The following SPATS2 variants were observed in gnomAD, a reference collection of about 807,000 sequenced individuals.
SPATS2 encodes spermatogenesis-associated serine-rich protein 2.
A neutral mutation model predicts 63.7 loss-of-function variants in SPATS2; 38 were observed. The observed-to-expected ratio is 0.60, with a 90% CI of 0.46 to 0.78. SPATS2 has a LOEUF of 0.78. Among genes scored for constraint, SPATS2 ranks in the 30% least tolerant of loss-of-function variants. SPATS2 has a pLI of 0.00. For missense variants in SPATS2, 588 were observed against 666.2 expected, an observed-to-expected ratio of 0.88 and a Z score of 1.29; for synonymous variants, 207 against 232.9, an observed-to-expected ratio of 0.89 and a Z score of 1.01.
chr12:49,471,844 T>C (rs1224259048), intron 3 of SPATS2, among the ~76,000 whole-genome samples: 1 of 152,136 alleles, frequency 6.6e-6, no homozygotes, highest in Non-Finnish European at 1.5e-5. Flanking sequence ...CTACTCTAGG[T>C]AACACATATT....
intron 2 of SPATS2, among the ~76,000 whole-genome samples, chr12:49,396,074 G>C (rs1944505750): frequency 6.6e-6 from 1 of 152,172 alleles, no homozygotes; most frequent in Admixed American, 6.5e-5. Context: ...ACATGTGGCA[G>C]GATTTCCTTT....
intron 2 of SPATS2, among the ~76,000 whole-genome samples, chr12:49,427,295 A>G (rs551556857): frequency 6.6e-6 from 1 of 152,310 alleles, no homozygotes; most frequent in East Asian, 1.9e-4. Context: ...ATTAAAAAAG[A>G]ATCTTATGTT....
At chr12:49,370,910 C>T (rs1411182109) in intron 1 of SPATS2, among the ~76,000 whole-genome samples, 3 of 152,238 alleles carry the variant, frequency 2.0e-5, no homozygotes, top group South Asian at 4.1e-4. Flanking sequence ...GTCAGGGTTT[C>T]GCTGTGTTGC....
intron 2 of SPATS2, among the ~76,000 whole-genome samples, chr12:49,427,982 G>A (rs1001378942): frequency 1.3e-5 from 2 of 151,522 alleles, no homozygotes; most frequent in Non-Finnish European, 2.9e-5. Flanking sequence ...CAGGCCGGGC[G>A]CGGTGGCTCA....
chr12:49,419,069 C>A (rs1944937062), intron 2 of SPATS2, among the ~76,000 whole-genome samples: 1 of 152,126 alleles, frequency 6.6e-6, no homozygotes, highest in African/African-American at 2.4e-5. Flanking sequence ...TGTTCCCCTC[C>A]CAAGGTTCCT....
intron 3 of SPATS2, chr12:49,463,722 G>A (rs1337098152): frequency 6.6e-6 from 1 of 152,106 alleles, no homozygotes; most frequent in Non-Finnish European, 1.5e-5. Context: ...AAAAAGAAGG[G>A]TCTATGGTAG....
intron 2 of SPATS2, among the ~76,000 whole-genome samples, chr12:49,378,408 C>T (rs984328161): frequency 6.6e-6 from 1 of 151,994 alleles, no homozygotes; most frequent in Non-Finnish European, 1.5e-5. Context: ...AGCGATTGTC[C>T]TGCCTCAGCC....
rs150708878 is a variant in SPATS2 at position 49,416,750 on chromosome 12, G to A, written c.-243-44020G>A. Among the ~76,000 whole-genome samples, 660 of 152,272 alleles carry A rather than the reference G, an allele frequency of 4.3e-3. 5 individuals carry two copies. Among genetic ancestry groups the A allele is most frequent in the Non-Finnish European group, 6.9e-3 (472 of 68,032 alleles). ...TTTGCCCACCTCAGCTTCCCAAAGT[G>A]TTGGGATTACAGGCGTGAGCCACTG... On this transcript the variant is annotated intron_variant, in intron 2 of 13. Transcript: ENST00000552918.
chr12:49,368,359 T>TTACC (rs1444889741), intron 1 of SPATS2, among the ~76,000 whole-genome samples: 1 of 152,212 alleles, frequency 6.6e-6, no homozygotes, highest in Non-Finnish European at 1.5e-5. Flanking sequence ...TGTTCCTAAT[T>TTACC]TACCTACGGT....
At chr12:49,481,335 T>C (rs1946201617) in intron 3 of SPATS2, among the ~76,000 whole-genome samples, 1 of 151,754 alleles carries the variant, frequency 6.6e-6, no homozygotes, top group Admixed American at 6.6e-5. Context: ...ACTCCCCGCC[T>C]GGGCAACAGA....
intron 2 of SPATS2, among the ~76,000 whole-genome samples, chr12:49,436,767 C>T (rs1419147025): frequency 6.9e-6 from 1 of 144,646 alleles, no homozygotes; most frequent in African/African-American, 2.6e-5. Flanking sequence ...GACAGGGCGG[C>T]TGGCCGGGCA....
chr12:49,368,349 T>G (rs1298501991), intron 1 of SPATS2, among the ~76,000 whole-genome samples: 1 of 152,232 alleles, frequency 6.6e-6, no homozygotes. Flanking sequence ...AGCAGGCTAC[T>G]GTTCCTAATT....
intron 2 of SPATS2, among the ~76,000 whole-genome samples, chr12:49,419,747 T>C (rs1944947642): frequency 6.6e-6 from 1 of 152,244 alleles, no homozygotes; most frequent in Non-Finnish European, 1.5e-5. Flanking sequence ...TGACATATAC[T>C]AGTAGAAGAC....
At chr12:49,436,727 C>T (rs1439392868) in intron 2 of SPATS2, among the ~76,000 whole-genome samples, 12 of 137,380 alleles carry the variant, frequency 8.7e-5, no homozygotes, top group African/African-American at 1.9e-4. Context: ...GCTGGCCGGG[C>T]GGGGGGCTGA....
chr12:49,520,361 A>G (rs1025207071), intron 11 of SPATS2, among the ~76,000 whole-genome samples: 3 of 151,520 alleles, frequency 2.0e-5, no homozygotes, highest in Admixed American at 6.6e-5. Context: ...CAGGTGATCT[A>G]CCCGCCTCGG....
intron 9 of SPATS2, among the ~76,000 whole-genome samples, chr12:49,511,350 G>A (rs1262508028): frequency 2.0e-5 from 3 of 152,148 alleles, no homozygotes; most frequent in Non-Finnish European, 4.4e-5. Flanking sequence ...TTTCATGATT[G>A]AAGAAAGGAT....
Position 49,500,059 on chromosome 12 carries a change from T to C in SPATS2, c.704-11T>C, listed in dbSNP as rs772438365. 28 of 1,447,968 alleles carry C rather than the reference T, an allele frequency of 1.9e-5. No homozygotes were observed. The highest frequency in any genetic ancestry group is 2.3e-5 in the Non-Finnish European group (25 of 1,100,592). The allele number at this position is 1,447,968 out of a possible 1,614,324, so 89.7% of individuals were successfully genotyped here. A position where few individuals can be genotyped will look rare whatever the true frequency, so the allele number is the denominator to read the frequency against. On this transcript the variant is annotated splice_polypyrimidine_tract_variant and intron_variant, in intron 8 of 13. Coordinates refer to ENST00000552918, the MANE Select transcript of SPATS2 (RefSeq NM_023071.4). Reference sequence around the variant, plus strand: ...TTTTTTTTTTTTAATATTTCGGTTTTTTTCCCCAAGGTTCCAATATTGAAA... The same window carrying C: ...TTTTTTTTTTTTAATATTTCGGTTTCTTTCCCCAAGGTTCCAATATTGAAA...
intron 3 of SPATS2, among the ~76,000 whole-genome samples, chr12:49,481,690 T>G (rs1946209376): frequency 6.6e-6 from 1 of 151,878 alleles, no homozygotes; most frequent in Admixed American, 6.6e-5. Context: ...CTCGAACTCC[T>G]TACCTCAAGT....
intron 2 of SPATS2, among the ~76,000 whole-genome samples, chr12:49,458,084 T>C (rs1945750820): frequency 6.6e-6 from 1 of 152,232 alleles, no homozygotes; most frequent in Non-Finnish European, 1.5e-5. Context: ...AATATAAGTG[T>C]ACTCTCCTTT....
Sources: gnomAD v4.1 joint callset for allele counts (sites outside exome capture counted in the v4.1 genomes callset) on GRCh38, gnomAD v4.1.1 for gene constraint, MANE v1.5 for transcripts, NCBI Gene and HGNC (gene_info 2026-07-23, HGNC 2026-07-21) for gene names.